The following PTPRZ1 variants were observed in gnomAD, a reference collection of about 807,000 sequenced individuals.
PTPRZ1 encodes the protein protein tyrosine phosphatase receptor type Z1, also known as receptor-type tyrosine-protein phosphatase zeta.
A neutral mutation model predicts 214.1 loss-of-function variants in PTPRZ1; 82 were observed. The ratio of observed to expected loss-of-function variants is 0.38; its 90% CI spans 0.32 to 0.46. The LOEUF (loss-of-function observed/expected upper bound fraction) is 0.46, where lower values mean the gene tolerates loss of function less well. Ranked by LOEUF, PTPRZ1 falls within the 20% of genes least tolerant of loss-of-function variation. PTPRZ1 has a pLI of 1.00. For synonymous variants in PTPRZ1, 945 were observed against 987.9 expected, an observed-to-expected ratio of 0.96 and a Z score of 0.81; for missense variants, 2,603 against 2,748.7, an observed-to-expected ratio of 0.95 and a Z score of 1.19.
chr7:121,998,871 A>AAGTG (rs2116618996), intron 10 of PTPRZ1, among the ~76,000 whole-genome samples: 1 of 152,290 alleles, frequency 6.6e-6, no homozygotes, highest in East Asian at 1.9e-4. Context: ...ATTTTAATGT[A>AAGTG]AGTGAGTGGT....
At chr7:121,938,604 GT>G (rs1391837211) in intron 2 of PTPRZ1, among the ~76,000 whole-genome samples, 1 of 152,134 alleles carries the variant, frequency 6.6e-6, no homozygotes, top group African/African-American at 2.4e-5. Flanking sequence ...TGGCCCCCGG[GT>G]CCTTGAGAAA....
intron 4 of PTPRZ1, among the ~76,000 whole-genome samples, chr7:121,974,558 G>C (rs1329147724): frequency 5.3e-5 from 8 of 152,104 alleles, no homozygotes. Flanking sequence ...CATGATCTCG[G>C]CTCACTGCAA....
At chr7:121,914,927 A>G (rs186625886) in intron 1 of PTPRZ1, among the ~76,000 whole-genome samples, 2 of 152,280 alleles carry the variant, frequency 1.3e-5, no homozygotes, top group Admixed American at 1.3e-4. Context: ...TACGTCTACA[A>G]TTACTGCTAA....
At position 121,926,302 on chromosome 7, in the gene PTPRZ1, CA is replaced by C. The variant is rs34447356; in HGVS notation, c.59-1840del. ...CCTGGGCTACAGAGCAAGATTCTGT[CA>C]AAAAAAAAAAAAAGGATTACAATTA... On this transcript the variant is annotated intron_variant, in intron 1 of 29. Coordinates refer to ENST00000393386, the MANE Select transcript of PTPRZ1 (RefSeq NM_002851.3). Among the ~76,000 whole-genome samples the C allele has an allele frequency of 2.0e-3, 256 of 130,470 alleles. 1 individual carries two copies. The highest frequency in any genetic ancestry group is 7.4e-3 in the South Asian group (30 of 4,032). 85.6% of individuals were successfully genotyped at this position (130,470 alleles called of 152,430 possible).
At chr7:121,930,885 G>A (rs1795901672) in intron 2 of PTPRZ1, among the ~76,000 whole-genome samples, 1 of 152,088 alleles carries the variant, frequency 6.6e-6, no homozygotes, top group South Asian at 2.1e-4. Flanking sequence ...TGAGAAACAT[G>A]TCAGGAGGGA....
intron 1 of PTPRZ1, among the ~76,000 whole-genome samples, chr7:121,924,599 A>G (rs985100243): frequency 1.3e-5 from 2 of 152,086 alleles, no homozygotes; most frequent in African/African-American, 4.8e-5. Flanking sequence ...TAGGGATAAA[A>G]CTCTACAAGG....
intron 1 of PTPRZ1, among the ~76,000 whole-genome samples, chr7:121,876,341 T>C (rs1317911105): frequency 6.6e-6 from 1 of 152,180 alleles, no homozygotes. Flanking sequence ...TTCTTCCAAT[T>C]AATGAAGGAA....
chr7:122,021,185 C>T (rs1191406417), intron 13 of PTPRZ1, among the ~76,000 whole-genome samples: 2 of 152,028 alleles, frequency 1.3e-5, no homozygotes, highest in Non-Finnish European at 2.9e-5. Context: ...ATCTGTGTTA[C>T]TTTTCAAGTA....
Position 122,013,797 on chromosome 7 carries a change from C to T in PTPRZ1, c.4751C>T (p.Ala1584Val), listed in dbSNP as rs931537163. ...NEKDADGILA[A>V]GDSEITPGFP... ...AAAGATGCTGATGGGATCCTGGCAG[C>T]AGGTGACTCAGAAATAACTCCTGGA... is the stretch of plus-strand genomic sequence containing the variant. Residue 1584 changes from alanine to valine, a missense_variant, in exon 12 of 30, where the codon GCA becomes GTA. By Grantham distance (64) the Ala-to-Val change is moderately conservative. This residue lies in a region of PTPRZ1 where 1,913 missense variants were observed against 1,914.3 expected (regional missense o/e 1.00). Transcript: ENST00000393386. 3 of 1,613,928 alleles carry T rather than the reference C, an allele frequency of 1.9e-6. No homozygotes were observed. The highest frequency in any genetic ancestry group is 2.5e-6 in the Non-Finnish European group (3 of 1,179,930).
intron 2 of PTPRZ1, chr7:121,967,023 T>A (rs1386178612): frequency 6.6e-6 from 1 of 152,178 alleles, no homozygotes; most frequent in African/African-American, 2.4e-5. Flanking sequence ...ACTTGGACTC[T>A]CAATATTTCA....
chr7:121,997,751 T>G, intron 9 of PTPRZ1, 129 bp from the exon 10 acceptor site: 1 of 658,014 alleles, frequency 1.5e-6, no homozygotes, highest in South Asian at 2.7e-5. Context: ...GCATAAACTT[T>G]TCCTTAGGTT....
In PTPRZ1 at chr7:121,911,331, A is replaced by T. The variant is rs1340724705; in HGVS notation, c.59-16825A>T. ...CTGCATGGATTTAAGCTTTCGCATAATTTAAAAATCCATATCTTCATTTTG... is the reference window on the plus strand; with the variant it reads ...CTGCATGGATTTAAGCTTTCGCATATTTTAAAAATCCATATCTTCATTTTG... On this transcript the variant is annotated intron_variant, in intron 1 of 29. Transcript: ENST00000393386. 1.3e-4 allele frequency among the ~76,000 whole-genome samples: 20 copies of T among 152,238 alleles called. No individual in the cohort carries two copies. In the East Asian group the frequency reaches 3.9e-3, roughly 29 times the overall value.
Position 121,873,351 on chromosome 7 carries a change from A to G in PTPRZ1, c.-149A>G. On this transcript the variant is annotated 5_prime_UTR_variant, in exon 1 of 30. Transcript: ENST00000393386. Reference sequence around the variant, plus strand: ...TCTCACACACACACACACACACACAAACACACATACGCACGCACGATCTCA... The same window carrying G: ...TCTCACACACACACACACACACACAGACACACATACGCACGCACGATCTCA... 1 of 615,462 alleles carries G rather than the reference A, an allele frequency of 1.6e-6. No individual in the cohort carries two copies. The highest frequency in any genetic ancestry group is 2.8e-6 in the Non-Finnish European group (1 of 356,556). 38.1% of individuals were successfully genotyped at this position (615,462 alleles called of 1,614,324 possible).
chr7:121,900,913 A>G (rs761669313), intron 1 of PTPRZ1, among the ~76,000 whole-genome samples: 1 of 152,172 alleles, frequency 6.6e-6, no homozygotes, highest in Non-Finnish European at 1.5e-5. Context: ...TCCATTTATC[A>G]TGTAGTTCAA....
intron 2 of PTPRZ1, among the ~76,000 whole-genome samples, chr7:121,954,093 TTTC>T (rs1796637144): frequency 1.3e-5 from 2 of 152,210 alleles, no homozygotes; most frequent in African/African-American, 4.8e-5. Flanking sequence ...CAAATCTATC[TTTC>T]TTCTTATCTC....
intron 2 of PTPRZ1, among the ~76,000 whole-genome samples, chr7:121,961,832 A>G (rs1468880053): frequency 6.6e-6 from 1 of 152,250 alleles, no homozygotes; most frequent in Non-Finnish European, 1.5e-5. Flanking sequence ...GGAAATTTAT[A>G]GGAGTGTTAC....
intron 1 of PTPRZ1, among the ~76,000 whole-genome samples, chr7:121,894,421 T>C (rs1167700333): frequency 6.6e-6 from 1 of 152,176 alleles, no homozygotes; most frequent in African/African-American, 2.4e-5. Flanking sequence ...TTTTTTATTA[T>C]TTGAGAAGGG....
intron 8 of PTPRZ1, among the ~76,000 whole-genome samples, chr7:121,990,172 C>A (rs1181087379): frequency 6.6e-6 from 1 of 152,034 alleles, no homozygotes; most frequent in East Asian, 1.9e-4. Flanking sequence ...TAAAAGCTAG[C>A]ATAAAAATTG....
intron 8 of PTPRZ1, among the ~76,000 whole-genome samples, chr7:121,989,129 G>A (rs1196504): frequency 0.41 from 62,094 of 151,940 alleles, 12,973 homozygotes; most frequent in South Asian, 0.58. Flanking sequence ...GATTTATTAT[G>A]TAATAATTTT....
Sources: allele counts gnomAD v4.1 joint callset (sites outside exome capture counted in the v4.1 genomes callset), GRCh38; gene constraint gnomAD v4.1.1; regional missense constraint gnomAD v4.1.1; transcripts MANE v1.5; gene names NCBI Gene and HGNC (gene_info 2026-07-23, HGNC 2026-07-21).